The following DNAH6 variants were observed in gnomAD, a reference collection of about 807,000 sequenced individuals.
The protein encoded by DNAH6 is axonemal beta dynein heavy chain 6.
DNAH6 carries 340 observed loss-of-function variants against 491.4 expected under a neutral mutation model. The ratio of observed to expected loss-of-function variants is 0.69; its 90% CI spans 0.63 to 0.76. The LOEUF (loss-of-function observed/expected upper bound fraction) is 0.76, where lower values mean the gene tolerates loss of function less well. Among genes scored for constraint, DNAH6 ranks in the 30% least tolerant of loss-of-function variants. The pLI is 0.00. For missense variants in DNAH6, 4,443 were observed against 4,972.2 expected, an observed-to-expected ratio of 0.89 and a Z score of 3.20; for synonymous variants, 1,603 against 1,686.1, an observed-to-expected ratio of 0.95 and a Z score of 1.21.
intron 12 of DNAH6, among the ~76,000 whole-genome samples, chr2:84,575,866 A>G (rs796617090): frequency 3.9e-5 from 6 of 152,328 alleles, no homozygotes; most frequent in African/African-American, 1.4e-4. Context: ...CCTGGGCGAC[A>G]GTGCAAGACT....
chr2:84,562,123 A>G (rs939674143), intron 11 of DNAH6, among the ~76,000 whole-genome samples: 19 of 152,324 alleles, frequency 1.2e-4, no homozygotes, highest in East Asian at 7.7e-4. Flanking sequence ...GAATAAGGTT[A>G]TTGATTGAGG....
chr2:84,521,885 A>G (rs1483337368), intron 2 of DNAH6, among the ~76,000 whole-genome samples: 1 of 152,126 alleles, frequency 6.6e-6, no homozygotes, highest in African/African-American at 2.4e-5. Context: ...GCCCTGTAGT[A>G]TAGTTTGAAG....
intron 46 of DNAH6, 59 bp from the exon 47 acceptor site, chr2:84,697,516 C>A: frequency 7.0e-7 from 1 of 1,429,716 alleles, no homozygotes; most frequent in Non-Finnish European, 9.3e-7. Flanking sequence ...TAAATATTTG[C>A]TTTATAATAA....
chr2:84,699,511 G>A, intron 47 of DNAH6, 83 bp from the exon 48 acceptor site: 1 of 1,175,376 alleles, frequency 8.5e-7, no homozygotes, highest in South Asian at 1.6e-5. Context: ...GATATTGGGA[G>A]CCTCAGATGC....
chr2:84,732,220 C>G (rs936644469), intron 61 of DNAH6, among the ~76,000 whole-genome samples: 5 of 152,066 alleles, frequency 3.3e-5, no homozygotes. Context: ...GAATAAGATT[C>G]CTTATTCAAG....
intron 52 of DNAH6, 146 bp downstream of exon 52, chr2:84,705,893 C>G: frequency 9.7e-7 from 1 of 1,032,604 alleles, no homozygotes; most frequent in Admixed American, 3.4e-5. Flanking sequence ...TAAACAAGAG[C>G]TGGCAATTTT....
rs2104540044 is a variant in DNAH6, at chr2:84,547,621, G to A, written c.1186+9G>A. ...ATTTGGACCTTTTGAGGGTATGAAG[G>A]GGAAAGAACCTCAATATATCAGAAG... On this transcript the variant is annotated intron_variant, in intron 7 of 76. Transcript: ENST00000389394. 6.4e-7 allele frequency: 1 copy of A among 1,550,860 alleles called. No homozygotes were observed. The highest frequency in any genetic ancestry group is 8.7e-7 in the Non-Finnish European group (1 of 1,146,468).
chr2:84,661,228 C>T (rs1323427133), intron 37 of DNAH6, among the ~76,000 whole-genome samples: 1 of 151,978 alleles, frequency 6.6e-6, no homozygotes, highest in Non-Finnish European at 1.5e-5. Context: ...AGGTCACAGT[C>T]TATTAACTGG....
At chr2:84,516,860 C>A (rs4832088) in intron 1 of DNAH6, among the ~76,000 whole-genome samples, 142,008 of 152,230 alleles carry the variant, frequency 0.93, 66,355 homozygotes, top group East Asian at 1. Context: ...GTCTGAATTG[C>A]AATGTGCTCA....
chr2:84,698,177 C>T (rs913040908), intron 47 of DNAH6, among the ~76,000 whole-genome samples: 2 of 152,208 alleles, frequency 1.3e-5, no homozygotes, highest in African/African-American at 4.8e-5. Context: ...TTCTCCAGCA[C>T]CATGCTAGAT....
intron 2 of DNAH6, among the ~76,000 whole-genome samples, chr2:84,521,056 A>G (rs796545541): frequency 3.9e-5 from 6 of 152,252 alleles, no homozygotes; most frequent in African/African-American, 1.4e-4. Context: ...ACAAATAAAT[A>G]CAATACTCTC....
Position 84,525,131 on chromosome 2 carries a change from A to G in DNAH6, c.226-434A>G, listed in dbSNP as rs192570660. On this transcript the variant is annotated intron_variant, in intron 2 of 76. Coordinates refer to ENST00000389394, the MANE Select transcript of DNAH6 (RefSeq NM_001370.2). ...ATAATTTTCAGTTGAATAGCCTAAGATAATGCCACCTATTTTTTTTAGATC... is the reference window on the plus strand; with the variant it reads ...ATAATTTTCAGTTGAATAGCCTAAGGTAATGCCACCTATTTTTTTTAGATC... 2.6e-5 allele frequency among the ~76,000 whole-genome samples: 4 copies of G among 152,202 alleles called. No homozygotes were observed. The East Asian group carries it at 7.7e-4, about 29-fold the overall frequency.
chr2:84,584,777 C>G (rs1683367781), intron 15 of DNAH6: 1 of 152,744 alleles, frequency 6.5e-6, no homozygotes, highest in Non-Finnish European at 1.5e-5. Context: ...TGAAATAATT[C>G]ATACAACAAA....
intron 45 of DNAH6, 62 bp from the exon 46 acceptor site, chr2:84,694,187 G>T (rs996243130): frequency 9.6e-6 from 14 of 1,453,570 alleles, no homozygotes; most frequent in Non-Finnish European, 1.9e-6. Flanking sequence ...TCTGGGGCAG[G>T]CTCTCTGAGC....
At chr2:84,741,991 G>A (rs1672568251) in intron 62 of DNAH6, among the ~76,000 whole-genome samples, 1 of 152,226 alleles carries the variant, frequency 6.6e-6, no homozygotes, top group Admixed American at 6.5e-5. Flanking sequence ...GTTCCTGGCT[G>A]CGCAAGCTAA....
intron 22 of DNAH6, among the ~76,000 whole-genome samples, chr2:84,615,481 T>G (rs1686766188): frequency 6.6e-6 from 1 of 152,148 alleles, no homozygotes; most frequent in Non-Finnish European, 1.5e-5. Context: ...GCCTCCAGAT[T>G]TGTTCTTTTT....
intron 2 of DNAH6, among the ~76,000 whole-genome samples, chr2:84,524,139 T>G (rs2104425591): frequency 6.6e-6 from 1 of 152,214 alleles, no homozygotes; most frequent in African/African-American, 2.4e-5. Context: ...CTGTGTTGCA[T>G]GCATATATAT....
chr2:84,589,919 A>G (rs770611585), intron 16 of DNAH6, among the ~76,000 whole-genome samples: 9 of 152,006 alleles, frequency 5.9e-5, no homozygotes, highest in Non-Finnish European at 1.3e-4. Context: ...GGTCTCCCCA[A>G]AAATCTCGGA....
intron 40 of DNAH6, among the ~76,000 whole-genome samples, 178 bp from the exon 41 acceptor site, chr2:84,676,827 A>G (rs1431753776): frequency 6.6e-6 from 1 of 152,262 alleles, no homozygotes; most frequent in Non-Finnish European, 1.5e-5. Context: ...TGGTTTTTTA[A>G]TCTATAAAAT....
Sources: gnomAD v4.1 joint callset for allele counts (sites outside exome capture counted in the v4.1 genomes callset) on GRCh38, gnomAD v4.1.1 for gene constraint, MANE v1.5 for transcripts, NCBI Gene and HGNC (gene_info 2026-07-23, HGNC 2026-07-21) for gene names.